The following FRYL variants were observed in gnomAD, a reference collection of about 807,000 sequenced individuals.
The protein encoded by FRYL is FRY like transcription coactivator.
Under a neutral mutation model 351.2 loss-of-function variants are expected in FRYL, and 150 were observed. The observed-to-expected ratio is 0.43, with a 90% CI of 0.37 to 0.49. The LOEUF (loss-of-function observed/expected upper bound fraction) is 0.49. Among genes scored for constraint, FRYL ranks in the 20% least tolerant of loss-of-function variants. The probability of loss-of-function intolerance (pLI) is 0.00; values close to 1 mark genes in which losing one functional copy is unlikely to be tolerated. For missense variants in FRYL, 3,036 were observed against 3,619.3 expected (o/e 0.84, Z 4.13); for synonymous variants, 1,153 against 1,257.1 (o/e 0.92, Z 1.75).
intron 44 of FRYL, among the ~76,000 whole-genome samples, chr4:48,542,495 C>A (rs1730425864): frequency 6.6e-6 from 1 of 152,218 alleles, no homozygotes; most frequent in Admixed American, 6.5e-5. Flanking sequence ...TGGCTCAATG[C>A]AACCTCTGCC....
At chr4:48,526,745 T>G (rs1726322357) in intron 53 of FRYL, among the ~76,000 whole-genome samples, 1 of 152,150 alleles carries the variant, frequency 6.6e-6, no homozygotes, top group Non-Finnish European at 1.5e-5. Flanking sequence ...GGCTAATAAA[T>G]CTACTTTCTG....
At chr4:48,638,087 A>C (rs1433072318) in intron 3 of FRYL, 1 of 152,050 alleles carries the variant, frequency 6.6e-6, no homozygotes, top group Non-Finnish European at 1.5e-5. Flanking sequence ...AAATAACCAC[A>C]CTGAAGTCTG....
chr4:48,597,463 C>T (rs2149235341), intron 13 of FRYL, among the ~76,000 whole-genome samples: 1 of 152,078 alleles, frequency 6.6e-6, no homozygotes, highest in Non-Finnish European at 1.5e-5. Flanking sequence ...ATGTATCACT[C>T]TGAAGGGGGA....
At chr4:48,650,447 G>C (rs917978429) in intron 3 of FRYL, among the ~76,000 whole-genome samples, 2 of 152,180 alleles carry the variant, frequency 1.3e-5, no homozygotes, top group African/African-American at 2.4e-5. Context: ...TGAGTATAAT[G>C]ATGCAATGAT....
intron 7 of FRYL, among the ~76,000 whole-genome samples, chr4:48,614,648 G>C (rs1748972099): frequency 7.1e-6 from 1 of 141,720 alleles, no homozygotes; most frequent in African/African-American, 2.6e-5. Context: ...CTTGAATCAG[G>C]GAGGCAGAGG....
rs1732313940 is a variant in FRYL, at chr4:48,549,985, G to A, written c.4634-362C>T. On this transcript the variant is annotated intron_variant, in intron 38 of 63. Transcript: ENST00000358350. The surrounding 1 kb of genome is among the most constrained non-coding windows in gnomAD (Gnocchi z 4.2). ...TTCAGTTCTAAATATCCTGAGATAG[G>A]GCCAACACAGCTCCATCTTGAAAGG... Among the ~76,000 whole-genome samples the A allele has an allele frequency of 6.6e-6, 1 of 152,132 alleles. No individual in the cohort carries two copies. The highest frequency in any genetic ancestry group is 2.4e-5 in the African/African-American group (1 of 41,424).
chr4:48,600,809 G>T (rs1324907798), intron 13 of FRYL, among the ~76,000 whole-genome samples: 1 of 152,116 alleles, frequency 6.6e-6, no homozygotes, highest in South Asian at 2.1e-4. Context: ...TAAGTATAAT[G>T]TAATTAATTA....
At chr4:48,739,462 GA>G (rs1453057971) in intron 1 of FRYL, among the ~76,000 whole-genome samples, 4 of 147,666 alleles carry the variant, frequency 2.7e-5, no homozygotes, top group African/African-American at 9.9e-5. Context: ...ATACAAGGGA[GA>G]AAAGATAGCC....
chr4:48,649,828 C>T (rs1757265430), intron 3 of FRYL, among the ~76,000 whole-genome samples: 2 of 152,088 alleles, frequency 1.3e-5, no homozygotes, highest in Non-Finnish European at 1.5e-5. Flanking sequence ...GGGCCTCTAG[C>T]GACTAATATA....
intron 47 of FRYL, 63 bp downstream of exon 47, chr4:48,539,908 C>T (rs1325323214): frequency 3.2e-6 from 4 of 1,232,362 alleles, no homozygotes; most frequent in Non-Finnish European, 4.7e-6. Flanking sequence ...TTTCCCCCTC[C>T]TTTAACATAG....
chr4:48,551,867 A>C (rs1234211406), intron 36 of FRYL, among the ~76,000 whole-genome samples: 2 of 152,220 alleles, frequency 1.3e-5, no homozygotes, highest in African/African-American at 4.8e-5. Context: ...CTGAACTTCC[A>C]AAAGGTAGCA....
chr4:48,779,919 G>C lies in FRYL; in HGVS notation c.-384+159C>G, dbSNP rs1400579567. Among the ~76,000 whole-genome samples the C allele has an allele frequency of 5.3e-5, 8 of 152,088 alleles. No homozygotes were observed. In the East Asian group the frequency reaches 1.6e-3, roughly 30 times the overall value. On this transcript the variant is annotated intron_variant, in intron 1 of 63. Transcript: ENST00000358350. ...CGCCGCGCCGCTTGCCAGCCATCCT[G>C]GACCGCCTTCCCTCGGCGCCCACCA...
intron 3 of FRYL, among the ~76,000 whole-genome samples, chr4:48,674,736 CAAAAAA>C (rs58696045): frequency 8.6e-4 from 48 of 55,786 alleles, no homozygotes; most frequent in Non-Finnish European, 9.3e-4. Flanking sequence ...GACTCTGTCT[CAAAAAA>C]AAAAAAAAAA....
chr4:48,696,119 C>T (rs371979631), intron 2 of FRYL, among the ~76,000 whole-genome samples: 8 of 152,168 alleles, frequency 5.3e-5, no homozygotes, highest in Admixed American at 6.5e-5. Flanking sequence ...GACAGGGTGG[C>T]GATTCCTCAA....
intron 7 of FRYL, among the ~76,000 whole-genome samples, chr4:48,611,728 CTG>C (rs1053547597): frequency 3.3e-5 from 5 of 151,998 alleles, no homozygotes; most frequent in Admixed American, 1.3e-4. Flanking sequence ...TTTGAAGTAA[CTG>C]TATTTTTATA....
At chr4:48,739,949 G>C (rs1187158506) in intron 1 of FRYL, among the ~76,000 whole-genome samples, 1 of 152,206 alleles carries the variant, frequency 6.6e-6, no homozygotes, top group Admixed American at 6.5e-5. Flanking sequence ...GTGAAACCCT[G>C]CACCACCTTG....
At chr4:48,688,499 T>C (rs1233045266) in intron 2 of FRYL, among the ~76,000 whole-genome samples, 1 of 152,164 alleles carries the variant, frequency 6.6e-6, no homozygotes, top group African/African-American at 2.4e-5. Flanking sequence ...AAAATATTTA[T>C]GGTCATCCCT....
intron 1 of FRYL, among the ~76,000 whole-genome samples, chr4:48,732,569 A>G (rs1449657142): frequency 2.0e-5 from 3 of 152,210 alleles, no homozygotes; most frequent in Non-Finnish European, 4.4e-5. Flanking sequence ...AATGTGGCAC[A>G]TATACACCAT....
intron 4 of FRYL, among the ~76,000 whole-genome samples, chr4:48,623,732 C>T (rs577047301): frequency 1.2e-4 from 18 of 152,038 alleles, no homozygotes; most frequent in African/African-American, 3.9e-4. Flanking sequence ...AGCAATATGC[C>T]TATTCTGTTT....
Sources: allele counts gnomAD v4.1 joint callset (sites outside exome capture counted in the v4.1 genomes callset), GRCh38; gene constraint gnomAD v4.1.1; non-coding constraint Gnocchi (gnomAD v3.1); transcripts MANE v1.5; gene names NCBI Gene and HGNC (gene_info 2026-07-23, HGNC 2026-07-21).